The following PRIM2 variants were observed in gnomAD, a reference collection of about 807,000 sequenced individuals.
The protein encoded by PRIM2 is DNA primase subunit 2, also known as DNA primase large subunit.
PRIM2 carries 39 observed loss-of-function variants against 67.3 expected under a neutral mutation model. The ratio of observed to expected loss-of-function variants is 0.58; its 90% CI spans 0.45 to 0.76. The LOEUF is 0.76. Ranked by LOEUF, PRIM2 falls within the 30% of genes least tolerant of loss-of-function variation. The pLI, the probability that PRIM2 is intolerant of heterozygous loss-of-function variation, is 0.00. For missense variants in PRIM2, 398 were observed against 598.7 expected, an observed-to-expected ratio of 0.66 and a Z score of 3.50; for synonymous variants, 143 against 198.7, an observed-to-expected ratio of 0.72 and a Z score of 2.36.
At chr6:57,645,574 G>C (rs1211146935) in intron 13 of PRIM2, among the ~76,000 whole-genome samples, 2 of 150,892 alleles carry the variant, frequency 1.3e-5, no homozygotes, top group Non-Finnish European at 3.0e-5. Flanking sequence ...ATCACTGAGA[G>C]CAAAGGATGG....
At chr6:57,291,974 A>G in the PRIM2 span, among the ~76,000 whole-genome samples, 13 of 152,220 alleles carry the variant, frequency 8.5e-5, no homozygotes, top group Non-Finnish European at 5.9e-5. Context: ...TGTATTCTGC[A>G]TAGGGTTGGA....
intron 7 of PRIM2, among the ~76,000 whole-genome samples, chr6:57,484,596 C>T (rs1367064401): frequency 6.6e-6 from 1 of 152,108 alleles, no homozygotes; most frequent in East Asian, 1.9e-4. Flanking sequence ...TTAGCCATAC[C>T]ATTTTGTTGT....
At chr6:57,275,872 G>A in the PRIM2 span, among the ~76,000 whole-genome samples, 1 of 152,162 alleles carries the variant, frequency 6.6e-6, no homozygotes, top group Non-Finnish European at 1.5e-5. Context: ...CATAGCAGTG[G>A]TGTTCATAAT....
At chr6:57,359,756 G>A (rs565259745) in intron 5 of PRIM2, among the ~76,000 whole-genome samples, 1 of 152,266 alleles carries the variant, frequency 6.6e-6, no homozygotes, top group South Asian at 2.1e-4. Flanking sequence ...TATGGAAAAT[G>A]AAATTCCAAT....
chr6:57,526,531 A>G (rs1309713462), intron 8 of PRIM2, among the ~76,000 whole-genome samples: 1 of 152,240 alleles, frequency 6.6e-6, no homozygotes, highest in Admixed American at 6.5e-5. Context: ...ATATTTGGCA[A>G]AATAGTCGTT....
At chr6:57,351,400 C>T (rs1768852305) in intron 5 of PRIM2, among the ~76,000 whole-genome samples, 2 of 151,914 alleles carry the variant, frequency 1.3e-5, no homozygotes, top group South Asian at 4.2e-4. Flanking sequence ...AGGATATTGC[C>T]AGTGTTCAGG....
chr6:57,301,570 G>T, the PRIM2 span, among the ~76,000 whole-genome samples: 1 of 152,164 alleles, frequency 6.6e-6, no homozygotes, highest in Non-Finnish European at 1.5e-5. Context: ...GGGAGGCCAA[G>T]GCAGGCGGAT....
At chr6:57,224,187 G>A in the PRIM2 span, among the ~76,000 whole-genome samples, 414 of 152,274 alleles carry the variant, frequency 2.7e-3, 6 homozygotes, top group South Asian at 0.027. Flanking sequence ...TGTAATCCCA[G>A]CTACTTAGGA....
At chr6:57,257,333 G>A in the PRIM2 span, among the ~76,000 whole-genome samples, 3 of 150,070 alleles carry the variant, frequency 2.0e-5, no homozygotes, top group East Asian at 1.9e-4. Context: ...GTGCAATGGC[G>A]CAATCTCGGC....
At chr6:57,471,636 T>C (rs1183418564) in intron 7 of PRIM2, among the ~76,000 whole-genome samples, 1 of 152,222 alleles carries the variant, frequency 6.6e-6, no homozygotes, top group African/African-American at 2.4e-5. Context: ...CACAGCAGTA[T>C]AGGGCAGATC....
At chr6:57,459,602 G>A (rs577973529) in intron 7 of PRIM2, among the ~76,000 whole-genome samples, 3 of 152,202 alleles carry the variant, frequency 2.0e-5, no homozygotes, top group African/African-American at 7.2e-5. Flanking sequence ...AGGGCTGCCC[G>A]GAAACTCAGG....
At chr6:57,356,132 G>T (rs1769022604) in intron 5 of PRIM2, among the ~76,000 whole-genome samples, 1 of 152,182 alleles carries the variant, frequency 6.6e-6, no homozygotes, top group African/African-American at 2.4e-5. Context: ...GGATACACCA[G>T]AGAGGTCATA....
intron 5 of PRIM2, among the ~76,000 whole-genome samples, chr6:57,330,173 AT>A (rs202145994): frequency 0.034 from 5,173 of 151,788 alleles, 291 homozygotes; most frequent in African/African-American, 0.12. Flanking sequence ...ATCTTCTTTA[AT>A]TTTTTTCAAC....
chr6:57,325,884 G>A, intron 4 of PRIM2, 41 bp from the exon 5 acceptor site: 1 of 1,520,448 alleles, frequency 6.6e-7, no homozygotes, highest in Admixed American at 2.3e-5. Flanking sequence ...AATAATTACT[G>A]GATTTTTAGT....
At chr6:57,447,129 G>A (rs2397302) in intron 7 of PRIM2, among the ~76,000 whole-genome samples, 1 of 152,348 alleles carries the variant, frequency 6.6e-6, no homozygotes, top group East Asian at 1.9e-4. Flanking sequence ...CAAATTCTGT[G>A]ATGTATTAAA....
chr6:57,268,007 T>C, the PRIM2 span, among the ~76,000 whole-genome samples: 1 of 152,174 alleles, frequency 6.6e-6, no homozygotes, highest in Admixed American at 6.5e-5. Flanking sequence ...ATCCTTTTAA[T>C]CTACTCAGCA....
chr6:57,561,374 G>A (rs1295773688), intron 10 of PRIM2, among the ~76,000 whole-genome samples: 2 of 152,194 alleles, frequency 1.3e-5, no homozygotes, highest in African/African-American at 4.8e-5. Context: ...TGGGACTACA[G>A]GCGCACGCCG....
chr6:57,255,791 A>T, the PRIM2 span, among the ~76,000 whole-genome samples: 2,568 of 152,328 alleles, frequency 0.017, 26 homozygotes, highest in Non-Finnish European at 0.028. Context: ...GGCAGATACA[A>T]ATATGAATAA....
chr6:57,541,420 A>G (rs1775150707), intron 10 of PRIM2, among the ~76,000 whole-genome samples: 1 of 151,790 alleles, frequency 6.6e-6, no homozygotes, highest in African/African-American at 2.4e-5. Context: ...TTTTTCTCCA[A>G]TTTACTTTAT....
Sources: allele counts gnomAD v4.1 joint callset (sites outside exome capture counted in the v4.1 genomes callset), GRCh38; gene constraint gnomAD v4.1.1; transcripts MANE v1.5; gene names NCBI Gene and HGNC (gene_info 2026-07-23, HGNC 2026-07-21).